Variants in DNAH5 observed in about 807,000 individuals in gnomAD.
DNAH5 encodes the protein dynein axonemal heavy chain 5, also known as axonemal beta dynein heavy chain 5.
DNAH5 carries 372 observed loss-of-function variants against 518.2 expected under a neutral mutation model. That is an observed-to-expected ratio of 0.72 (90% CI 0.66 to 0.78). The LOEUF is 0.78. Among genes scored for constraint, DNAH5 ranks in the 30% least tolerant of loss-of-function variants. The probability of loss-of-function intolerance (pLI) is 0.00; values close to 1 mark genes in which losing one functional copy is unlikely to be tolerated. For synonymous variants in DNAH5, 2,039 were observed against 2,025.9 expected (o/e 1.01, Z -0.17); for missense variants, 5,523 against 5,687.0 (o/e 0.97, Z 0.93).
At chr5:13,777,142 A>C in intron 54 of DNAH5, 60 bp downstream of exon 54, 1 of 1,510,854 alleles carries the variant, frequency 6.6e-7, no homozygotes, top group South Asian at 1.1e-5. Flanking sequence ...AAACATGTAG[A>C]GCTCTAAGCT....
At chr5:13,977,053 T>C (rs935268483) in intron 1 of DNAH5, among the ~76,000 whole-genome samples, 12 of 152,206 alleles carry the variant, frequency 7.9e-5, no homozygotes, top group African/African-American at 2.9e-4. Flanking sequence ...AAGGTGGGGC[T>C]ACTCCCAAGC....
In DNAH5 at chr5:13,737,484, T is replaced by C; in HGVS notation, c.11223A>G (p.Lys3741=). Residue 3741 remains lysine (K), a synonymous_variant, in exon 66 of 79, where the codon AAA becomes AAG. Coordinates refer to ENST00000265104, the MANE Select transcript of DNAH5 (RefSeq NM_001369.3). ...VILTEKQELE[K]ERTHLMEDVT... ...CATCTTCCATCAGATGAGTTCTTTC[T>C]TTCTCCAATTCCTATTAATTTGCAT... 6.2e-7 allele frequency: 1 copy of C among 1,613,892 alleles called. No individual in the cohort carries two copies. The highest frequency in any genetic ancestry group is 8.5e-7 in the Non-Finnish European group (1 of 1,179,846).
intron 8 of DNAH5, 34 bp from the exon 9 acceptor site, chr5:13,916,489 C>A (rs1416302277): frequency 1.6e-6 from 2 of 1,237,308 alleles, no homozygotes; most frequent in South Asian, 1.2e-5. Flanking sequence ...CAGAAAAAAT[C>A]ATCAAATTCA....
At chr5:13,757,035 C>T (rs1751089833) in intron 61 of DNAH5, among the ~76,000 whole-genome samples, 1 of 152,204 alleles carries the variant, frequency 6.6e-6, no homozygotes, top group African/African-American at 2.4e-5. Context: ...AGGACACAAT[C>T]TCATTCTTTT....
chr5:13,692,404 C>A (rs899617957), intron 78 of DNAH5, among the ~76,000 whole-genome samples: 4 of 152,194 alleles, frequency 2.6e-5, no homozygotes, highest in Non-Finnish European at 5.9e-5. Flanking sequence ...CTCATGCCCA[C>A]ATGCTTCCTC....
At chr5:13,797,205 T>C (rs184297364) in intron 47 of DNAH5, among the ~76,000 whole-genome samples, 20 of 152,080 alleles carry the variant, frequency 1.3e-4, no homozygotes, top group Admixed American at 1.2e-3. Flanking sequence ...ACAAACGGGA[T>C]CTAATTAAAC....
rs201881960 is a variant in DNAH5 at position 13,758,935 on chromosome 5, G to A, written c.10330C>T (p.Leu3444=). 1.0e-4 allele frequency: 167 copies of A among 1,614,188 alleles called. No individual in the cohort carries two copies. The highest frequency in any genetic ancestry group is 1.4e-4 in the Non-Finnish European group (160 of 1,180,022). ...TCCAACTCGGCCTGGGCTTTCTGCAGATCCTGCATGGCCAGGAGATGGCGA... is the reference window on the plus strand; with the variant it reads ...TCCAACTCGGCCTGGGCTTTCTGCAAATCCTGCATGGCCAGGAGATGGCGA... ...ENRHLLAMQD[L]QKAQAELDDK... The change falls in exon 61 of 79, where the codon CTG becomes TTG. Residue 3444 remains leucine (L), a synonymous_variant. Coordinates refer to ENST00000265104, the MANE Select transcript of DNAH5 (RefSeq NM_001369.3).
At position 13,864,609 on chromosome 5, in the gene DNAH5, C is replaced by A. The variant is rs1189846120; in HGVS notation, c.4384G>T (p.Asp1462Tyr). 5.6e-6 allele frequency: 9 copies of A among 1,613,998 alleles called. No homozygotes were observed. The highest frequency in any genetic ancestry group is 6.8e-6 in the Non-Finnish European group (8 of 1,180,006). ...TTCAGGTCCAAAAAAGCCTGCCAGT[C>A]CTTCAAGGCCCGGGGAAGCTTTCGA... Reference protein sequence around the residue: ...RCRKLPRALKDWQAFLDLKKI... With the variant: ...RCRKLPRALKYWQAFLDLKKI... Residue 1462 changes from aspartate (D) to tyrosine (Y), a missense_variant, in exon 28 of 79, where the codon GAC (aspartate) becomes TAC (tyrosine). By Grantham distance (160) the Asp-to-Tyr change is radical (BLOSUM62 -3). Around this residue, in one of 3 missense-constraint regions of DNAH5, gnomAD observed 5,121 missense variants for 5,223.3 expected, o/e 0.98. Coordinates refer to ENST00000265104, the MANE Select transcript of DNAH5 (RefSeq NM_001369.3).
intron 8 of DNAH5, among the ~76,000 whole-genome samples, chr5:13,916,669 T>C (rs971687796): frequency 2.6e-5 from 4 of 152,086 alleles, no homozygotes; most frequent in Non-Finnish European, 4.4e-5. Context: ...GAAGAAACAT[T>C]GACCCACTGT....
At chr5:13,793,144 G>C (rs1463807716) in intron 49 of DNAH5, among the ~76,000 whole-genome samples, 1 of 152,174 alleles carries the variant, frequency 6.6e-6, no homozygotes, top group Admixed American at 6.5e-5. Context: ...TAAAGTATAA[G>C]CTACATAAAC....
rs571538567 is a variant in DNAH5 at position 13,911,281 on chromosome 5, G to A, written c.1644+105C>T. ...TGAGGTTGCTATCGGTCACCTCCATGATGAAGATACCTCTGCCTTCTGATT... is the reference window on the plus strand; with the variant it reads ...TGAGGTTGCTATCGGTCACCTCCATAATGAAGATACCTCTGCCTTCTGATT... On this transcript the variant is annotated intron_variant, in intron 12 of 78. Coordinates refer to ENST00000265104, the MANE Select transcript of DNAH5 (RefSeq NM_001369.3). 376 of 872,848 alleles carry A rather than the reference G, an allele frequency of 4.3e-4. 1 individual carries two copies. Among genetic ancestry groups the A allele is most frequent in the Non-Finnish European group, 5.7e-4 (299 of 520,906 alleles). The allele number at this position is 872,848 out of a possible 1,614,324, so 54.1% of individuals were successfully genotyped here.
At chr5:13,703,255 G>A (rs544989073) in intron 76 of DNAH5, among the ~76,000 whole-genome samples, 13 of 152,268 alleles carry the variant, frequency 8.5e-5, no homozygotes, top group Non-Finnish European at 1.6e-4. Context: ...GAGAAGAGGA[G>A]GTGACCTCAT....
Position 13,855,503 on chromosome 5 carries a change from C to T in DNAH5, c.4950+3949G>A, listed in dbSNP as rs1325854158. On this transcript the variant is annotated intron_variant, in intron 30 of 78. Transcript: ENST00000265104. ...GATTACAGGCGTGAGCCACCGCGCC[C>T]GGCCATAAATCTTACATTTTAATGC... is the stretch of plus-strand genomic sequence containing the variant. Among the ~76,000 whole-genome samples the T allele has an allele frequency of 8.3e-5, 4 of 48,282 alleles. 1 individual carries two copies. Among genetic ancestry groups the T allele is most frequent in the South Asian group, 1.6e-3 (2 of 1,216 alleles). 31.7% of individuals were successfully genotyped at this position (48,282 alleles called of 152,430 possible).
intron 64 of DNAH5, 140 bp from the exon 65 acceptor site, chr5:13,751,400 C>T: frequency 3.7e-6 from 3 of 811,572 alleles, no homozygotes; most frequent in East Asian, 2.7e-5. Flanking sequence ...GGTCATGAGG[C>T]GTCTGCACAG....
intron 1 of DNAH5, among the ~76,000 whole-genome samples, chr5:13,981,576 C>G (rs1354110841): frequency 6.6e-6 from 1 of 152,160 alleles, no homozygotes; most frequent in African/African-American, 2.4e-5. Context: ...TGTGCTGGCT[C>G]TCTCCCCCAT....
At position 13,852,943 on chromosome 5, in the gene DNAH5, C is replaced by T. The variant is rs190618116; in HGVS notation, c.4951-2128G>A. ...GGGAAGGGGCAGCTGTGGGGTACAG[C>T]GTCAGAAGACTTAAACATTCCTGCC... On this transcript the variant is annotated intron_variant, in intron 30 of 78. Transcript: ENST00000265104. Among the ~76,000 whole-genome samples the T allele has an allele frequency of 4.6e-5, 7 of 152,346 alleles. No individual in the cohort carries two copies. The East Asian group carries it at 7.7e-4, about 17-fold the overall frequency.
intron 76 of DNAH5, among the ~76,000 whole-genome samples, chr5:13,703,682 C>T (rs1361405202): frequency 6.6e-6 from 1 of 152,078 alleles, no homozygotes; most frequent in Admixed American, 6.5e-5. Context: ...TTTTCCACTC[C>T]TATATTTCCT....
At chr5:13,962,244 T>C (rs1781234020) in intron 1 of DNAH5, among the ~76,000 whole-genome samples, 1 of 152,196 alleles carries the variant, frequency 6.6e-6, no homozygotes, top group Non-Finnish European at 1.5e-5. Flanking sequence ...TGACTTATTG[T>C]ATGTAAATTG....
intron 48 of DNAH5, 25 bp downstream of exon 48, chr5:13,793,911 A>G (rs1381920976): frequency 1.2e-5 from 19 of 1,613,132 alleles, no homozygotes; most frequent in Non-Finnish European, 1.6e-5. Context: ...TTAAAGAAAT[A>G]AAATGCACAA....
Sources: allele counts gnomAD v4.1 joint callset (sites outside exome capture counted in the v4.1 genomes callset), GRCh38; gene constraint gnomAD v4.1.1; regional missense constraint gnomAD v4.1.1; transcripts MANE v1.5; gene names NCBI Gene and HGNC (gene_info 2026-07-23, HGNC 2026-07-21).